SCIN: variants seen among roughly 807,000 people sequenced by gnomAD.
SCIN encodes the protein scinderin.
SCIN carries 91 observed loss-of-function variants against 91.8 expected under a neutral mutation model. The ratio of observed to expected loss-of-function variants is 0.99; its 90% confidence interval spans 0.84 to 1.18. The LOEUF (loss-of-function observed/expected upper bound fraction) is 1.18. Ranked by LOEUF, SCIN falls within the 50% of genes most tolerant of loss-of-function variation. The pLI, the probability that SCIN is intolerant of heterozygous loss-of-function variation, is 0.00. For missense variants in SCIN, 1,087 were observed against 863.9 expected (o/e 1.26, Z -3.24); for synonymous variants, 367 against 312.6 (o/e 1.17, Z -1.84).
chr7:12,593,058 T>C (rs538550204), intron 3 of SCIN, among the ~76,000 whole-genome samples: 45 of 152,232 alleles, frequency 3.0e-4, no homozygotes, highest in Non-Finnish European at 5.6e-4. Flanking sequence ...CATGCTTGTC[T>C]GCCCATCTGT....
In SCIN at chr7:12,625,807, C is replaced by G; in HGVS notation, c.938C>G (p.Ala313Gly). 6.2e-7 allele frequency: 1 copy of G among 1,612,374 alleles called. No homozygotes were observed. Among genetic ancestry groups the G allele is most frequent in the South Asian group, 1.1e-5 (1 of 90,910 alleles). The change falls in exon 7 of 16, where the codon GCT becomes GGT. Residue 313 changes from alanine (A) to glycine (G), a missense_variant. Ala to Gly is a moderately conservative substitution (Grantham distance 60). Transcript: ENST00000297029. ...GAGAGGAAGGCTGCAATGAAGACAG[C>G]TGAAGAATTTCTACAGCAAATGAAT... ...PQERKAAMKT[A>G]EEFLQQMNYS...
intron 4 of SCIN, among the ~76,000 whole-genome samples, chr7:12,618,954 A>G (rs1039944132): frequency 1.6e-4 from 25 of 152,260 alleles, no homozygotes; most frequent in Non-Finnish European, 2.8e-4. Flanking sequence ...AGAGGTTAGA[A>G]GGCCTGGGGT....
intron 4 of SCIN, among the ~76,000 whole-genome samples, chr7:12,616,666 C>G (rs956639502): frequency 6.6e-6 from 1 of 152,164 alleles, no homozygotes; most frequent in East Asian, 1.9e-4. Flanking sequence ...ATTATAGACA[C>G]GCAAGAAATA....
chr7:12,626,897 C>G, intron 8 of SCIN, 98 bp downstream of exon 8: 1 of 1,083,258 alleles, frequency 9.2e-7, no homozygotes, highest in Non-Finnish European at 1.3e-6. Flanking sequence ...CGAGATCAGC[C>G]TGGCCAACAT....
chr7:12,622,990 T>A, intron 5 of SCIN, 97 bp downstream of exon 5: 1 of 728,678 alleles, frequency 1.4e-6, no homozygotes, highest in Non-Finnish European at 2.3e-6. Context: ...AGTTGAGAAC[T>A]CTCCTCATTG....
At chr7:12,576,240 A>T (rs574544765) in intron 1 of SCIN, among the ~76,000 whole-genome samples, 1 of 152,196 alleles carries the variant, frequency 6.6e-6, no homozygotes, top group African/African-American at 2.4e-5. Context: ...AATCGGCAGA[A>T]GAATGACACC....
At position 12,657,589 on chromosome 7, in the gene SCIN, T is replaced by A. The variant is rs1165699200; in HGVS notation, c.*4874T>A. Reference sequence around the variant, plus strand: ...ATATATATATTTTTTTTTTTTTTTTTTTTTTTTTTGCATTGGCAAAAAAAC... The same window carrying A: ...ATATATATATTTTTTTTTTTTTTTTATTTTTTTTTGCATTGGCAAAAAAAC... On this transcript the variant is annotated 3_prime_UTR_variant, in exon 16 of 16. Transcript: ENST00000297029. The A allele has an allele frequency of 5.1e-5, 6 of 118,254 alleles. No homozygotes were observed. The highest frequency in any genetic ancestry group is 2.0e-4 in the African/African-American group (6 of 30,168). 7.3% of individuals were successfully genotyped at this position (118,254 alleles called of 1,614,324 possible). A position where few individuals can be genotyped will look rare whatever the true frequency, so the allele number is the denominator to read the frequency against.
intron 5 of SCIN, among the ~76,000 whole-genome samples, chr7:12,624,493 A>G (rs849801): frequency 0.61 from 92,095 of 152,066 alleles, 28,315 homozygotes; most frequent in Admixed American, 0.7. Context: ...CTATATCAAT[A>G]TCCTCCTTAA....
At chr7:12,620,419 G>C (rs1467857980) in intron 4 of SCIN, among the ~76,000 whole-genome samples, 3 of 151,938 alleles carry the variant, frequency 2.0e-5, no homozygotes, top group African/African-American at 7.3e-5. Context: ...GGATATTTTG[G>C]ATTCCACATA....
intron 2 of SCIN, 34 bp from the exon 3 acceptor site, chr7:12,581,026 G>C: frequency 6.5e-7 from 1 of 1,543,844 alleles, no homozygotes; most frequent in Non-Finnish European, 8.8e-7. Context: ...TTTTCTCTTT[G>C]TTTTTTGTGT....
At chr7:12,604,364 A>T (rs937972370) in intron 3 of SCIN, 150 bp from the exon 4 acceptor site, 1 of 586,150 alleles carries the variant, frequency 1.7e-6, no homozygotes, top group Non-Finnish European at 2.8e-6. Flanking sequence ...AAGCAGCAGG[A>T]TGCAGAATGA....
chr7:12,603,870 C>A (rs1783015632), intron 3 of SCIN, among the ~76,000 whole-genome samples: 1 of 151,052 alleles, frequency 6.6e-6, no homozygotes, highest in African/African-American at 2.4e-5. Flanking sequence ...AAGGCCTCAC[C>A]AATATAATTA....
chr7:12,640,461 C>A lies in SCIN; in HGVS notation c.1525C>A (p.Pro509Thr), dbSNP rs543299993. Residue 509 changes from proline (P) to threonine (T), a missense_variant, in exon 11 of 16, where the codon CCT (proline) becomes ACT (threonine). Transcript: ENST00000297029. The stretch of plus-strand genomic sequence containing the variant: ...GAAAGGAGGTCAGGCACCTGCTCCC[C>A]CTACACGCCTCTTTCAAGTCCGGAG... ...SKKGGQAPAP[P>T]TRLFQVRRNL... The A allele has an allele frequency of 1.9e-6, 3 of 1,613,078 alleles. No homozygotes were observed. In the Admixed American group the frequency reaches 5.0e-5, roughly 27 times the overall value.
At chr7:12,571,593 G>A (rs749366061) in intron 1 of SCIN, 39 of 468,178 alleles carry the variant, frequency 8.3e-5, no homozygotes, top group African/African-American at 7.6e-4. Context: ...CAAAAACTCC[G>A]CTTCATTCGG....
intron 3 of SCIN, among the ~76,000 whole-genome samples, chr7:12,603,046 C>T (rs1369386087): frequency 6.6e-6 from 1 of 152,102 alleles, no homozygotes; most frequent in African/African-American, 2.4e-5. Context: ...GTTTGGGGTC[C>T]CTGACTTCCC....
chr7:12,632,228 T>G (rs1214234074), intron 9 of SCIN, among the ~76,000 whole-genome samples: 1 of 151,826 alleles, frequency 6.6e-6, no homozygotes, highest in Non-Finnish European at 1.5e-5. Flanking sequence ...CCTCCCGGGT[T>G]CAAGCTATTC....
At chr7:12,580,790 C>T (rs1434214650) in intron 2 of SCIN, among the ~76,000 whole-genome samples, 3 of 152,146 alleles carry the variant, frequency 2.0e-5, no homozygotes, top group Non-Finnish European at 2.9e-5. Context: ...TTTGCAGCAG[C>T]GTTTTATACA....
intron 2 of SCIN, among the ~76,000 whole-genome samples, chr7:12,579,136 G>C (rs867041496): frequency 6.6e-6 from 1 of 151,920 alleles, no homozygotes; most frequent in African/African-American, 2.4e-5. Flanking sequence ...AAACCTTAGA[G>C]CTTCACTACA....
Position 12,625,771 on chromosome 7 carries a change from C to G in SCIN, c.902C>G (p.Ala301Gly), listed in dbSNP as rs1199677270. ...KQIFVWKGKDANPQERKAAMK... is the reference protein window; with the variant it reads ...KQIFVWKGKDGNPQERKAAMK... Reference sequence around the variant, plus strand: ...TTACCTTGTATTTTAGGTAAAGATGCTAATCCCCAAGAGAGGAAGGCTGCA... The same window carrying G: ...TTACCTTGTATTTTAGGTAAAGATGGTAATCCCCAAGAGAGGAAGGCTGCA... Residue 301 changes from alanine (A) to glycine (G), a missense_variant, in exon 7 of 16, where the codon GCT (alanine) becomes GGT (glycine). Coordinates refer to ENST00000297029, the MANE Select transcript of SCIN (RefSeq NM_001112706.3). 1 of 1,607,308 alleles carries G rather than the reference C, an allele frequency of 6.2e-7. No homozygotes were observed. Among genetic ancestry groups the G allele is most frequent in the East Asian group, 2.2e-5 (1 of 44,736 alleles).
Sources: gnomAD v4.1 joint callset for allele counts (sites outside exome capture counted in the v4.1 genomes callset) on GRCh38, gnomAD v4.1.1 for gene constraint, MANE v1.5 for transcripts, NCBI Gene and HGNC (gene_info 2026-07-23, HGNC 2026-07-21) for gene names.